The following RAB33B variants were observed in gnomAD, a reference collection of about 807,000 sequenced individuals.
RAB33B encodes the protein ras-related protein Rab-33B.
In RAB33B, 6 loss-of-function variants were observed where a neutral mutation model predicts 15.0. The ratio of observed to expected loss-of-function variants is 0.40; its 90% CI spans 0.22 to 0.79. The LOEUF is 0.79. Among genes scored for constraint, RAB33B ranks in the 30% least tolerant of loss-of-function variants. The pLI, the probability that RAB33B is intolerant of heterozygous loss-of-function variation, is 0.37. For synonymous variants in RAB33B, 117 were observed against 108.3 expected (o/e 1.08, Z -0.50); for missense variants, 257 against 296.4 (o/e 0.87, Z 0.98).
At chr4:139,458,355 CA>C (rs1272872367) in intron 1 of RAB33B, among the ~76,000 whole-genome samples, 1 of 152,128 alleles carries the variant, frequency 6.6e-6, no homozygotes, top group East Asian at 1.9e-4. Context: ...AAACATGTCA[CA>C]GGGGTTTGGT....
chr4:139,447,352 A>G, the RAB33B span, among the ~76,000 whole-genome samples: 1 of 152,206 alleles, frequency 6.6e-6, no homozygotes, highest in Admixed American at 6.5e-5. Flanking sequence ...TCTCATAGCC[A>G]GGATTCACAG....
At chr4:139,469,032 A>C (rs1027818245) in intron 1 of RAB33B, among the ~76,000 whole-genome samples, 3 of 152,088 alleles carry the variant, frequency 2.0e-5, no homozygotes, top group African/African-American at 7.2e-5. Flanking sequence ...AAATGCCTTC[A>C]GGTAGTCTTC....
Position 139,454,324 on chromosome 4 carries a change from T to C in RAB33B, c.129T>C (p.Asn43=), listed in dbSNP as rs778229509. 4 of 1,614,090 alleles carry C rather than the reference T, an allele frequency of 2.5e-6. No homozygotes were observed. The South Asian group carries it at 4.4e-5, about 18-fold the overall frequency. The change falls in exon 1 of 2, where the codon AAT becomes AAC. Residue 43 remains asparagine (N), a synonymous_variant. Transcript: ENST00000305626. ...IFKIIVIGDS[N]VGKTCLTYRF... is the part of the protein sequence containing the mutation. ...AGATAATCGTGATCGGCGACTCCAA[T>C]GTGGGCAAGACATGCCTGACCTACC...
the RAB33B span, among the ~76,000 whole-genome samples, chr4:139,445,725 T>C: frequency 6.6e-6 from 1 of 152,148 alleles, no homozygotes; most frequent in East Asian, 1.9e-4. Flanking sequence ...CTACAACATG[T>C]CCAGACTGCT....
intron 1 of RAB33B, among the ~76,000 whole-genome samples, chr4:139,470,701 G>C (rs574646240): frequency 5.3e-5 from 8 of 152,180 alleles, no homozygotes; most frequent in Non-Finnish European, 7.3e-5. Flanking sequence ...GTAGTGCCTG[G>C]GTATGCCAGC....
At chr4:139,444,938 T>C in the RAB33B span, among the ~76,000 whole-genome samples, 3 of 152,026 alleles carry the variant, frequency 2.0e-5, no homozygotes, top group Non-Finnish European at 4.4e-5. Context: ...CCTGGAGGGG[T>C]TGCGGAAATT....
chr4:139,469,853 C>T (rs891294034), intron 1 of RAB33B, among the ~76,000 whole-genome samples: 1 of 152,218 alleles, frequency 6.6e-6, no homozygotes, highest in Non-Finnish European at 1.5e-5. Context: ...CATACAGAGT[C>T]TCTCTTTGTC....
upstream of RAB33B, chr4:139,448,909 T>C (rs1044742888): frequency 1.3e-5 from 2 of 152,052 alleles, no homozygotes; most frequent in Non-Finnish European, 2.9e-5. Flanking sequence ...GGTAGGAATG[T>C]GAATCTGGTT....
Position 139,475,483 on chromosome 4 carries a change from T to C in RAB33B, c.*2357T>C, listed in dbSNP as rs904183314. Reference sequence around the variant, plus strand: ...TCATTTGTAACAATTTGTTTTAATTTTTTATATATATGTTTTTATTTTTAA... The same window carrying C: ...TCATTTGTAACAATTTGTTTTAATTCTTTATATATATGTTTTTATTTTTAA... On this transcript the variant is annotated 3_prime_UTR_variant, in exon 2 of 2. Transcript: ENST00000305626. 6.6e-5 allele frequency: 10 copies of C among 151,970 alleles called. No homozygotes were observed. The highest frequency in any genetic ancestry group is 2.4e-4 in the African/African-American group (10 of 41,448). The allele number at this position is 151,970 out of a possible 1,614,324, so 9.4% of individuals were successfully genotyped here. A position where few individuals can be genotyped will look rare whatever the true frequency, so the allele number is the denominator to read the frequency against.
intron 1 of RAB33B, among the ~76,000 whole-genome samples, chr4:139,463,742 T>A (rs1041000689): frequency 6.6e-6 from 1 of 152,226 alleles, no homozygotes; most frequent in African/African-American, 2.4e-5. Context: ...TAGCCTTTTA[T>A]GGTCAACAGT....
intron 1 of RAB33B, among the ~76,000 whole-genome samples, chr4:139,458,563 C>T (rs1410647533): frequency 6.6e-6 from 1 of 152,224 alleles, no homozygotes; most frequent in Admixed American, 6.5e-5. Context: ...TAGCCTCCGG[C>T]TCCATGTTGC....
At chr4:139,464,134 A>T (rs977779322) in intron 1 of RAB33B, among the ~76,000 whole-genome samples, 1 of 152,158 alleles carries the variant, frequency 6.6e-6, no homozygotes, top group Non-Finnish European at 1.5e-5. Context: ...GTAAAAACTT[A>T]GCTGGGTCTG....
Position 139,464,342 on chromosome 4 carries a change from G to C in RAB33B, c.250-8344G>C, listed in dbSNP as rs368328545. On this transcript the variant is annotated intron_variant, in intron 1 of 1. Coordinates refer to ENST00000305626, the MANE Select transcript of RAB33B (RefSeq NM_031296.3). ...TGTTCTGGAAGACTTGATATGATTA[G>C]AAAGCATAAAATTTTGAACGGGATT... 3.9e-4 allele frequency among the ~76,000 whole-genome samples: 56 copies of C among 144,026 alleles called. 1 individual carries two copies. The East Asian group carries it at 7.6e-3, about 19-fold the overall frequency. The allele number at this position is 144,026 out of a possible 152,430, so 94.5% of individuals were successfully genotyped here.
At chr4:139,472,033 G>T (rs754671065) in intron 1 of RAB33B, among the ~76,000 whole-genome samples, 1 of 152,128 alleles carries the variant, frequency 6.6e-6, no homozygotes, top group African/African-American at 2.4e-5. Context: ...GTTCACTTCT[G>T]GATCCACAGT....
At chr4:139,460,543 A>G (rs1050833958) in intron 1 of RAB33B, among the ~76,000 whole-genome samples, 2 of 152,232 alleles carry the variant, frequency 1.3e-5, no homozygotes, top group African/African-American at 4.8e-5. Context: ...AAAATATTTT[A>G]TATGAAGTCA....
At chr4:139,467,222 G>A (rs1378653168) in intron 1 of RAB33B, among the ~76,000 whole-genome samples, 1 of 148,570 alleles carries the variant, frequency 6.7e-6, no homozygotes, top group African/African-American at 2.5e-5. Flanking sequence ...ACCTGCTTTG[G>A]CCTCCCAAAG....
intron 1 of RAB33B, among the ~76,000 whole-genome samples, chr4:139,461,302 G>A (rs1353964757): frequency 6.6e-6 from 1 of 152,114 alleles, no homozygotes; most frequent in Non-Finnish European, 1.5e-5. Context: ...GGAAAATAGG[G>A]TGCTATTAAT....
intron 1 of RAB33B, among the ~76,000 whole-genome samples, chr4:139,468,473 TAAC>T (rs1750331762): frequency 6.6e-6 from 1 of 152,236 alleles, no homozygotes; most frequent in Non-Finnish European, 1.5e-5. Context: ...CCCCACTTTT[TAAC>T]TTTTTCTTGT....
At chr4:139,442,558 A>G in the RAB33B span, among the ~76,000 whole-genome samples, 2 of 152,192 alleles carry the variant, frequency 1.3e-5, no homozygotes, top group African/African-American at 4.8e-5. Flanking sequence ...ATCAGCTGCC[A>G]GCATGATCAG....
Sources: allele counts gnomAD v4.1 joint callset (sites outside exome capture counted in the v4.1 genomes callset), GRCh38; gene constraint gnomAD v4.1.1; transcripts MANE v1.5; gene names NCBI Gene and HGNC (gene_info 2026-07-23, HGNC 2026-07-21).